RBM25: variants seen among roughly 807,000 people sequenced by gnomAD.
The protein encoded by RBM25 is RNA-binding protein 25.
A neutral mutation model predicts 120.7 loss-of-function variants in RBM25; 19 were observed. The ratio of observed to expected loss-of-function variants is 0.16; its 90% CI spans 0.11 to 0.23. RBM25 has a LOEUF of 0.23. Ranked by LOEUF, RBM25 falls within the 10% of genes least tolerant of loss-of-function variation. RBM25 has a pLI of 1.00. For missense variants in RBM25, 605 were observed against 1,041.5 expected (o/e 0.58, Z 5.77); for synonymous variants, 390 against 326.7 (o/e 1.19, Z -2.09).
chr14:73,081,137 A>G (rs1217968816), intron 4 of RBM25, among the ~76,000 whole-genome samples: 1 of 140,332 alleles, frequency 7.1e-6, no homozygotes, highest in East Asian at 2.2e-4. Context: ...TTCTTATTTT[A>G]ATTTTTTATT....
intron 2 of RBM25, 40 bp downstream of exon 2, chr14:73,071,787 C>A: frequency 6.7e-7 from 1 of 1,488,988 alleles, no homozygotes; most frequent in Non-Finnish European, 9.4e-7. Flanking sequence ...TAAACTTGTA[C>A]TTTTGTCTTT....
At chr14:73,076,846 CAT>C (rs773850213) in intron 3 of RBM25, among the ~76,000 whole-genome samples, 9 of 152,294 alleles carry the variant, frequency 5.9e-5, no homozygotes, top group Non-Finnish European at 1.0e-4. Context: ...ATGTTCAAGA[CAT>C]AGGCCAGGAT....
At chr14:73,078,546 A>G (rs1895479544) in intron 4 of RBM25, among the ~76,000 whole-genome samples, 2 of 152,142 alleles carry the variant, frequency 1.3e-5, no homozygotes, top group South Asian at 4.1e-4. Context: ...TTCATATTTA[A>G]TTTTCCCAGT....
At chr14:73,081,700 T>C (rs1338439770) in intron 4 of RBM25, among the ~76,000 whole-genome samples, 2 of 152,226 alleles carry the variant, frequency 1.3e-5, no homozygotes, top group Non-Finnish European at 2.9e-5. Flanking sequence ...TTTTATTTCA[T>C]GTGGTCAGTA....
chr14:73,080,079 C>CATAGAA (rs1895521733), intron 4 of RBM25, among the ~76,000 whole-genome samples: 1 of 150,350 alleles, frequency 6.7e-6, no homozygotes, highest in Non-Finnish European at 1.5e-5. Flanking sequence ...AAAAGATTCT[C>CATAGAA]ATCACAAATT....
intron 10 of RBM25, among the ~76,000 whole-genome samples, chr14:73,104,183 AC>A (rs1192896037): frequency 6.6e-6 from 1 of 151,856 alleles, no homozygotes; most frequent in East Asian, 1.9e-4. Flanking sequence ...AGTTCTGTAT[AC>A]TGAGACATCA....
At chr14:73,066,341 A>T (rs1267402058) in intron 1 of RBM25, among the ~76,000 whole-genome samples, 1 of 152,180 alleles carries the variant, frequency 6.6e-6, no homozygotes, top group Non-Finnish European at 1.5e-5. Context: ...CAAGTATATT[A>T]AATCCTCCTA....
chr14:73,110,989 G>C lies in RBM25; in HGVS notation c.1851G>C (p.Leu617=). Reference sequence around the variant, plus strand: ...AAAAGCCTTGTCTGAAACCTACTCTGAGGCCCATCAGCTCTGCTCCATCTG... The same window carrying C: ...AAAAGCCTTGTCTGAAACCTACTCTCAGGCCCATCAGCTCTGCTCCATCTG... ...PEQKPCLKPT[L]RPISSAPSVS... is the part of the protein sequence containing the mutation. Residue 617 remains leucine (L), a synonymous_variant, in exon 15 of 19, where the codon CTG becomes CTC. Transcript: ENST00000261973. 1 of 1,613,926 alleles carries C rather than the reference G, an allele frequency of 6.2e-7. No individual in the cohort carries two copies. The highest frequency in any genetic ancestry group is 8.5e-7 in the Non-Finnish European group (1 of 1,179,904).
intron 1 of RBM25, among the ~76,000 whole-genome samples, chr14:73,067,691 C>A (rs1043975131): frequency 2.6e-5 from 4 of 151,400 alleles, no homozygotes; most frequent in African/African-American, 9.7e-5. Flanking sequence ...GCAAGCTCCG[C>A]CTCCCAGGTT....
At chr14:73,084,007 C>T (rs1448543800) in intron 5 of RBM25, among the ~76,000 whole-genome samples, 1 of 151,578 alleles carries the variant, frequency 6.6e-6, no homozygotes, top group Non-Finnish European at 1.5e-5. Context: ...GAGCAGTTCT[C>T]CTGCTTCAGC....
intron 2 of RBM25, among the ~76,000 whole-genome samples, chr14:73,072,295 T>C (rs888659797): frequency 6.6e-6 from 1 of 151,464 alleles, no homozygotes; most frequent in African/African-American, 2.4e-5. Flanking sequence ...TTAAAAAAAA[T>C]GGGTAATACA....
At chr14:73,099,874 A>G (rs996065859) in intron 9 of RBM25, 124 bp downstream of exon 9, 306 of 1,312,106 alleles carry the variant, frequency 2.3e-4, no homozygotes, top group Non-Finnish European at 2.9e-4. Context: ...GGTTTAATTG[A>G]TATTTAGATA....
intron 5 of RBM25, among the ~76,000 whole-genome samples, chr14:73,086,073 G>A (rs533670783): frequency 1.3e-5 from 2 of 151,368 alleles, no homozygotes; most frequent in African/African-American, 2.4e-5. Flanking sequence ...ATAGGTTTTC[G>A]GCCCCAGACT....
intron 2 of RBM25, among the ~76,000 whole-genome samples, chr14:73,072,540 TC>T (rs1489776208): frequency 6.6e-6 from 1 of 152,230 alleles, no homozygotes; most frequent in African/African-American, 2.4e-5. Flanking sequence ...CTGAATCAGA[TC>T]CTCAGAAATT....
At position 73,108,017 on chromosome 14, in the gene RBM25, C is replaced by G. The variant is rs536896494; in HGVS notation, c.1541+118C>G. ...AATAAGAAAAACAAACTTTCACATT[C>G]TGAGTAATTATTAATTCTATAGCTA... On this transcript the variant is annotated intron_variant, in intron 13 of 18. Transcript: ENST00000261973. 4.2e-6 allele frequency: 3 copies of G among 708,540 alleles called. No individual in the cohort carries two copies. The South Asian group carries it at 5.6e-5, about 13-fold the overall frequency. The allele number at this position is 708,540 out of a possible 1,614,324, so 43.9% of individuals were successfully genotyped here.
chr14:73,118,601 A>T (rs749512214), intron 18 of RBM25, among the ~76,000 whole-genome samples: 8 of 152,146 alleles, frequency 5.3e-5, no homozygotes, highest in Non-Finnish European at 1.2e-4. Context: ...TGAAAAGCGT[A>T]TGGTTTCCTT....
intron 2 of RBM25, among the ~76,000 whole-genome samples, chr14:73,073,695 A>G (rs1895346963): frequency 6.6e-6 from 1 of 151,904 alleles, no homozygotes; most frequent in Non-Finnish European, 1.5e-5. Flanking sequence ...TCTCAAAAAG[A>G]AAAAAAAATC....
At chr14:73,098,550 G>A (rs1895996626) in intron 7 of RBM25, among the ~76,000 whole-genome samples, 1 of 152,026 alleles carries the variant, frequency 6.6e-6, no homozygotes, top group Non-Finnish European at 1.5e-5. Flanking sequence ...GCCTTTTTAG[G>A]CCATATTCAG....
chr14:73,104,649 G>T (rs1046138214), intron 10 of RBM25, among the ~76,000 whole-genome samples: 4 of 152,090 alleles, frequency 2.6e-5, no homozygotes, highest in African/African-American at 9.7e-5. Context: ...TTACAGGCGT[G>T]AGCCACCATG....
Sources: allele counts gnomAD v4.1 joint callset (sites outside exome capture counted in the v4.1 genomes callset), GRCh38; gene constraint gnomAD v4.1.1; transcripts MANE v1.5; gene names NCBI Gene and HGNC (gene_info 2026-07-23, HGNC 2026-07-21).